TERB2: variants seen among roughly 807,000 people sequenced by gnomAD.
The protein encoded by TERB2 is telomere repeat binding bouquet formation protein 2, also known as telomere repeats-binding bouquet formation protein 2.
TERB2 carries 26 observed loss-of-function variants against 29.8 expected under a neutral mutation model. That is an observed-to-expected ratio of 0.87 (90% CI 0.64 to 1.21). TERB2 has a LOEUF of 1.21. Among genes scored for constraint, TERB2 ranks in the 50% most tolerant of loss-of-function variants. The pLI is 0.00. For missense variants in TERB2, 240 were observed against 268.6 expected, an observed-to-expected ratio of 0.89 and a Z score of 0.74; for synonymous variants, 80 against 90.8, an observed-to-expected ratio of 0.88 and a Z score of 0.68.
chr15:44,956,728 G>A lies in TERB2; in HGVS notation c.10G>A (p.Gly4Arg). The part of the protein sequence containing the change: MFQ[G>R]QRGWFCGSVS... ...CAGGCTTGGCGACGCCATGTTTCAA[G>A]GGCAGCGCGGTTGGTTTTGCGGCAG... is the stretch of plus-strand genomic sequence containing the variant. Residue 4 changes from glycine to arginine, a missense_variant, in exon 1 of 7, where the codon GGG becomes AGG. Coordinates refer to ENST00000340827, the MANE Select transcript of TERB2 (RefSeq NM_152448.3). 1 of 1,610,262 alleles carries A rather than the reference G, an allele frequency of 6.2e-7. No individual in the cohort carries two copies. The highest frequency in any genetic ancestry group is 8.5e-7 in the Non-Finnish European group (1 of 1,178,456).
chr15:44,974,005 G>C, intron 6 of TERB2, 50 bp downstream of exon 6: 1 of 1,422,898 alleles, frequency 7.0e-7, no homozygotes, highest in South Asian at 1.5e-5. Context: ...AGAAACAAGG[G>C]AATATTGTGT....
At chr15:44,968,462 C>G (rs184157026) in intron 5 of TERB2, among the ~76,000 whole-genome samples, 1 of 152,224 alleles carries the variant, frequency 6.6e-6, no homozygotes, top group East Asian at 1.9e-4. Context: ...CTCAAGTGAT[C>G]CACCTGCTTC....
intron 3 of TERB2, among the ~76,000 whole-genome samples, chr15:44,960,323 T>G (rs1025203330): frequency 6.6e-6 from 1 of 152,178 alleles, no homozygotes; most frequent in Admixed American, 6.5e-5. Flanking sequence ...GAATTTTACA[T>G]TTTCTAGTAG....
At position 44,969,475 on chromosome 15, in the gene TERB2, G is replaced by A. The variant is rs559580451; in HGVS notation, c.434+3232G>A. Reference sequence around the variant, plus strand: ...GCTGAGGCTGGTCTTGAACTTCTGGGCCCAAGGTATTTATTAATTAGTATA... The same window carrying A: ...GCTGAGGCTGGTCTTGAACTTCTGGACCCAAGGTATTTATTAATTAGTATA... On this transcript the variant is annotated intron_variant, in intron 5 of 6. Transcript: ENST00000340827. Among the ~76,000 whole-genome samples the A allele has an allele frequency of 4.0e-5, 6 of 151,818 alleles. No homozygotes were observed. The South Asian group carries it at 1.3e-3, about 32-fold the overall frequency.
intron 5 of TERB2, among the ~76,000 whole-genome samples, chr15:44,967,541 G>T (rs768801072): frequency 4.6e-5 from 7 of 152,230 alleles, no homozygotes; most frequent in Non-Finnish European, 7.3e-5. Context: ...TTATATGAGG[G>T]TTTAAGGAAT....
chr15:44,975,663 A>G (rs1276132305), intron 6 of TERB2, among the ~76,000 whole-genome samples: 1 of 151,974 alleles, frequency 6.6e-6, no homozygotes, highest in Non-Finnish European at 1.5e-5. Context: ...GCATTATAGC[A>G]TATTTACCTT....
intron 3 of TERB2, among the ~76,000 whole-genome samples, chr15:44,960,814 T>G (rs1368766557): frequency 6.6e-6 from 1 of 152,054 alleles, no homozygotes; most frequent in Non-Finnish European, 1.5e-5. Context: ...CTGTGAAAAC[T>G]TTTGAGATCA....
chr15:44,964,787 T>C (rs1241748302), intron 4 of TERB2, among the ~76,000 whole-genome samples: 1 of 152,178 alleles, frequency 6.6e-6, no homozygotes. Context: ...AAGGTATTCA[T>C]TGAATGGCAA....
intron 5 of TERB2, chr15:44,970,009 AATG>A (rs1001278648): frequency 2.6e-5 from 4 of 151,850 alleles, no homozygotes; most frequent in Admixed American, 2.0e-4. Context: ...CTTGTGATCA[AATG>A]ATGAGTCTCT....
chr15:44,957,100 G>A (rs1466277677), intron 2 of TERB2, 123 bp downstream of exon 2: 17 of 1,047,048 alleles, frequency 1.6e-5, no homozygotes, highest in South Asian at 2.9e-5. Context: ...TATAATCCCA[G>A]CTACTGGGAA....
rs1891753915 is a variant in TERB2, at chr15:44,958,419, C to T, written c.193C>T (p.His65Tyr). 6.2e-7 allele frequency: 1 copy of T among 1,613,920 alleles called. No individual in the cohort carries two copies. Among genetic ancestry groups the T allele is most frequent in the Non-Finnish European group, 8.5e-7 (1 of 1,179,966 alleles). ...DYIEDNATVF[H>Y]AYYLSAVANA... ...CATAGAAGATAATGCTACAGTTTTT[C>T]ATGCCTACTATCTCTCTGCGGTAGC... is the stretch of plus-strand genomic sequence containing the variant. Residue 65 changes from histidine (H) to tyrosine (Y), a missense_variant, in exon 3 of 7, where the codon CAT becomes TAT. By Grantham distance (83) the His-to-Tyr change is moderately conservative. Coordinates refer to ENST00000340827, the MANE Select transcript of TERB2 (RefSeq NM_152448.3).
In TERB2 at chr15:44,961,507, G is replaced by A; in HGVS notation, c.287-16G>A. The A allele has an allele frequency of 6.4e-7, 1 of 1,556,070 alleles. No homozygotes were observed. Among genetic ancestry groups the A allele is most frequent in the Non-Finnish European group, 8.7e-7 (1 of 1,148,912 alleles). On this transcript the variant is annotated splice_polypyrimidine_tract_variant and intron_variant, in intron 3 of 6. Coordinates refer to ENST00000340827, the MANE Select transcript of TERB2 (RefSeq NM_152448.3). ...AAAAAACCAAAACAGTATTGGATTTGTTTTTCTCACCACAGAAATAAGAAG... is the reference window on the plus strand; with the variant it reads ...AAAAAACCAAAACAGTATTGGATTTATTTTTCTCACCACAGAAATAAGAAG...
At chr15:44,963,469 C>CA (rs994236404) in intron 4 of TERB2, among the ~76,000 whole-genome samples, 2 of 151,462 alleles carry the variant, frequency 1.3e-5, no homozygotes, top group Non-Finnish European at 2.9e-5. Flanking sequence ...TCATAAAATA[C>CA]AAAAAAAGCA....
At position 44,971,494 on chromosome 15, in the gene TERB2, G is replaced by A. The variant is rs1351769731; in HGVS notation, c.435-2373G>A. On this transcript the variant is annotated intron_variant, in intron 5 of 6. Coordinates refer to ENST00000340827, the MANE Select transcript of TERB2 (RefSeq NM_152448.3). ...ATTCCAGCTGGGTGCGGTGGCTCAC[G>A]CCTGTAATCCCAGCACTTTGGGAGG... Among the ~76,000 whole-genome samples the A allele has an allele frequency of 2.6e-5, 4 of 152,262 alleles. No individual in the cohort carries two copies. In the South Asian group the frequency reaches 6.2e-4, roughly 24 times the overall value.
chr15:44,958,253 C>T (rs993022414), intron 2 of TERB2, 120 bp from the exon 3 acceptor site: 1 of 1,222,894 alleles, frequency 8.2e-7, no homozygotes, highest in African/African-American at 1.5e-5. Flanking sequence ...AAAAGGACAG[C>T]ATACATGTAT....
chr15:44,958,107 C>T (rs148114010), intron 2 of TERB2, among the ~76,000 whole-genome samples: 368 of 152,284 alleles, frequency 2.4e-3, no homozygotes, highest in African/African-American at 8.6e-3. Context: ...ACTGTTGATG[C>T]CCAGTGAACA....
rs745816415 is a variant in TERB2, at chr15:44,974,032, A to G, written c.523+77A>G. 5.7e-4 allele frequency: 741 copies of G among 1,298,594 alleles called. 2 individuals carry two copies. The highest frequency in any genetic ancestry group is 6.9e-4 in the Non-Finnish European group (688 of 998,944). 80.4% of individuals were successfully genotyped at this position (1,298,594 alleles called of 1,614,324 possible). On this transcript the variant is annotated intron_variant, in intron 6 of 6. Coordinates refer to ENST00000340827, the MANE Select transcript of TERB2 (RefSeq NM_152448.3). The stretch of plus-strand genomic sequence containing the variant: ...ATATTGTGTTGAATAAAGCTGTTGT[A>G]CTTCAGATACCTAGAGAGTAGAGCC...
chr15:44,961,483 AAAAACC>A (rs1372620336), intron 3 of TERB2, 34 bp from the exon 4 acceptor site: 1 of 1,483,362 alleles, frequency 6.7e-7, no homozygotes, highest in Non-Finnish European at 9.2e-7. Context: ...TCTTAAAAAA[AAAAACC>A]AAAACAGTAT....
At chr15:44,975,572 G>A (rs1427144552) in intron 6 of TERB2, among the ~76,000 whole-genome samples, 2 of 151,982 alleles carry the variant, frequency 1.3e-5, no homozygotes, top group African/African-American at 2.4e-5. Context: ...CCTAGAACAG[G>A]GTTTCTCAGT....
Sources: gnomAD v4.1 joint callset for allele counts (sites outside exome capture counted in the v4.1 genomes callset) on GRCh38, gnomAD v4.1.1 for gene constraint, MANE v1.5 for transcripts, NCBI Gene and HGNC (gene_info 2026-07-23, HGNC 2026-07-21) for gene names.